NKAIN2: variants seen among roughly 807,000 people sequenced by gnomAD.
NKAIN2 encodes sodium/potassium-transporting ATPase subunit beta-1-interacting protein 2.
Under a neutral mutation model 32.6 loss-of-function variants are expected in NKAIN2, and 14 were observed. The ratio of observed to expected loss-of-function variants is 0.43; its 90% CI spans 0.28 to 0.67. NKAIN2 has a LOEUF of 0.67. Ranked by LOEUF, NKAIN2 falls within the 30% of genes least tolerant of loss-of-function variation. The pLI, the probability that NKAIN2 is intolerant of heterozygous loss-of-function variation, is 0.17. For missense variants in NKAIN2, 198 were observed against 258.3 expected (o/e 0.77, Z 1.60); for synonymous variants, 80 against 87.2 (o/e 0.92, Z 0.46).
At chr6:124,125,321 G>A (rs936013395) in intron 1 of NKAIN2, among the ~76,000 whole-genome samples, 4 of 151,982 alleles carry the variant, frequency 2.6e-5, no homozygotes, top group Non-Finnish European at 5.9e-5. Flanking sequence ...CATTTTACCT[G>A]CATGAAACAT....
At chr6:124,321,573 A>G (rs1399326710) in intron 2 of NKAIN2, among the ~76,000 whole-genome samples, 1 of 152,204 alleles carries the variant, frequency 6.6e-6, no homozygotes, top group Non-Finnish European at 1.5e-5. Flanking sequence ...TCATAATTTT[A>G]CATAGTGATA....
At position 124,269,670 on chromosome 6, in the gene NKAIN2, G is replaced by A. The variant is rs141837836; in HGVS notation, c.55-13335G>A. ...TTTAGTAGAGATAGGGTTTCACCAT[G>A]TTGGCCAGGCTGGTCTCAAGCTCCT... is the stretch of plus-strand genomic sequence containing the variant. On this transcript the variant is annotated intron_variant, in intron 1 of 6. Coordinates refer to ENST00000368417, the MANE Select transcript of NKAIN2 (RefSeq NM_001040214.3). 9.5e-3 allele frequency among the ~76,000 whole-genome samples: 1,440 copies of A among 151,866 alleles called. 27 individuals are homozygous for A. Among genetic ancestry groups the A allele is most frequent in the African/African-American group, 0.031 (1,291 of 41,432 alleles).
rs556682930 is a variant in NKAIN2 at position 124,752,317 on chromosome 6, C to T, written c.475-39022C>T. 1.6e-3 allele frequency among the ~76,000 whole-genome samples: 242 copies of T among 152,108 alleles called. 3 individuals carry two copies. The highest frequency in any genetic ancestry group is 5.4e-3 in the African/African-American group (223 of 41,536). ...TAGATATGTTTCTTCCTTTACCCTTCACATTTATCCAAAGCTCTTGGTTCT... is the reference window on the plus strand; with the variant it reads ...TAGATATGTTTCTTCCTTTACCCTTTACATTTATCCAAAGCTCTTGGTTCT... On this transcript the variant is annotated intron_variant, in intron 4 of 6. Coordinates refer to ENST00000368417, the MANE Select transcript of NKAIN2 (RefSeq NM_001040214.3).
intron 1 of NKAIN2, among the ~76,000 whole-genome samples, chr6:124,115,704 T>G (rs1785576470): frequency 6.6e-6 from 1 of 152,108 alleles, no homozygotes; most frequent in African/African-American, 2.4e-5. Flanking sequence ...ACATCACATT[T>G]TCTGGATTCT....
At chr6:123,900,660 G>T (rs1170440545) in intron 1 of NKAIN2, among the ~76,000 whole-genome samples, 2 of 137,606 alleles carry the variant, frequency 1.5e-5, no homozygotes, top group Admixed American at 1.7e-4. Context: ...CTTAGTTTTT[G>T]ACATACAAAA....
At chr6:123,881,158 A>T (rs2114327414) in intron 1 of NKAIN2, among the ~76,000 whole-genome samples, 1 of 152,166 alleles carries the variant, frequency 6.6e-6, no homozygotes, top group Non-Finnish European at 1.5e-5. Flanking sequence ...AGTAGCTAGG[A>T]TTATAGGCGG....
intron 3 of NKAIN2, among the ~76,000 whole-genome samples, chr6:124,652,683 A>G (rs546736208): frequency 1.3e-5 from 2 of 152,304 alleles, no homozygotes; most frequent in African/African-American, 4.8e-5. Context: ...TTGTTGTGTT[A>G]TAATATGGCA....
At chr6:124,432,749 A>G (rs182072117) in intron 3 of NKAIN2, among the ~76,000 whole-genome samples, 64 of 152,316 alleles carry the variant, frequency 4.2e-4, no homozygotes, top group African/African-American at 1.4e-3. Flanking sequence ...AACAAGGATC[A>G]TTGGTCTACT....
At chr6:123,911,785 A>ATATG (rs1554222329) in intron 1 of NKAIN2, among the ~76,000 whole-genome samples, 10 of 89,672 alleles carry the variant, frequency 1.1e-4, no homozygotes, top group African/African-American at 7.8e-4. Flanking sequence ...ATACATACAT[A>ATATG]TATATATATA....
intron 1 of NKAIN2, among the ~76,000 whole-genome samples, chr6:123,889,213 T>C (rs1355823473): frequency 6.6e-6 from 1 of 151,344 alleles, no homozygotes; most frequent in Non-Finnish European, 1.5e-5. Context: ...TTCATCATAT[T>C]ATTAGTTAGA....
chr6:124,456,690 T>C (rs1776336032), intron 3 of NKAIN2, among the ~76,000 whole-genome samples: 1 of 151,938 alleles, frequency 6.6e-6, no homozygotes, highest in African/African-American at 2.4e-5. Flanking sequence ...TAATATGAGA[T>C]CTTTGACTCC....
At chr6:124,639,235 G>A in intron 3 of NKAIN2, among the ~76,000 whole-genome samples, 1 of 152,082 alleles carries the variant, frequency 6.6e-6, no homozygotes, top group East Asian at 1.9e-4. Context: ...CAAAAGGAAA[G>A]GAAATTAGTA....
At chr6:124,055,790 G>A (rs1003247466) in intron 1 of NKAIN2, among the ~76,000 whole-genome samples, 4 of 151,956 alleles carry the variant, frequency 2.6e-5, no homozygotes, top group Non-Finnish European at 5.9e-5. Context: ...ACAAAAATGT[G>A]CATTATTTGT....
intron 1 of NKAIN2, among the ~76,000 whole-genome samples, chr6:124,176,286 T>TA (rs555417377): frequency 3.9e-5 from 6 of 152,116 alleles, no homozygotes; most frequent in East Asian, 1.9e-4. Context: ...CTTCGATTTG[T>TA]AAAAAAATGC....
chr6:124,202,780 A>G (rs1478259972), intron 1 of NKAIN2, among the ~76,000 whole-genome samples: 1 of 151,864 alleles, frequency 6.6e-6, no homozygotes, highest in Non-Finnish European at 1.5e-5. Context: ...TGCTACAAGT[A>G]ATAGCTCTTT....
intron 3 of NKAIN2, among the ~76,000 whole-genome samples, chr6:124,517,959 G>T (rs891985038): frequency 6.6e-6 from 1 of 151,884 alleles, no homozygotes; most frequent in Non-Finnish European, 1.5e-5. Flanking sequence ...CTACACTTTT[G>T]CATTGTCAAG....
chr6:124,320,977 G>A (rs1446859180), intron 2 of NKAIN2, among the ~76,000 whole-genome samples: 1 of 152,080 alleles, frequency 6.6e-6, no homozygotes, highest in East Asian at 1.9e-4. Context: ...GCCTCTCCTG[G>A]ACTGTGAGCC....
intron 2 of NKAIN2, among the ~76,000 whole-genome samples, chr6:124,350,363 A>G (rs932335432): frequency 3.3e-5 from 5 of 152,322 alleles, no homozygotes; most frequent in Admixed American, 1.3e-4. Context: ...ACTAGGCAAA[A>G]TCCAATTACA....
At chr6:124,205,414 G>A (rs1582844751) in intron 1 of NKAIN2, among the ~76,000 whole-genome samples, 1 of 151,520 alleles carries the variant, frequency 6.6e-6, no homozygotes. Context: ...TATATAATGT[G>A]TCTTATCTTT....
Sources: allele counts gnomAD v4.1 joint callset (sites outside exome capture counted in the v4.1 genomes callset), GRCh38; gene constraint gnomAD v4.1.1; transcripts MANE v1.5; gene names NCBI Gene and HGNC (gene_info 2026-07-23, HGNC 2026-07-21).